Variants in WASHC2C observed in about 807,000 individuals in gnomAD.
WASHC2C encodes WASH complex subunit 2C.
WASHC2C carries 73 observed loss-of-function variants against 142.2 expected under a neutral mutation model. That is an observed-to-expected ratio of 0.51 (90% CI 0.43 to 0.62). WASHC2C has a LOEUF of 0.62. Among genes scored for constraint, WASHC2C ranks in the 20% least tolerant of loss-of-function variants. WASHC2C has a pLI of 0.00. For synonymous variants in WASHC2C, 337 were observed against 565.5 expected (o/e 0.60, Z 5.73); for missense variants, 969 against 1,531.7 (o/e 0.63, Z 6.13).
At chr10:45,761,248 G>C (rs1407539963) in intron 17 of WASHC2C, among the ~76,000 whole-genome samples, 1 of 152,104 alleles carries the variant, frequency 6.6e-6, no homozygotes, top group Non-Finnish European at 1.5e-5. Flanking sequence ...CATGTAGTCA[G>C]GGAAGCCGGT....
intron 3 of WASHC2C, among the ~76,000 whole-genome samples, chr10:45,731,554 G>T (rs576986778): frequency 6.8e-6 from 1 of 147,600 alleles, no homozygotes; most frequent in Non-Finnish European, 1.5e-5. Flanking sequence ...GAGCCACTGC[G>T]CTCGGCCCTT....
At chr10:45,766,272 G>C (rs1372366868) in intron 19 of WASHC2C, among the ~76,000 whole-genome samples, 1 of 152,422 alleles carries the variant, frequency 6.6e-6, no homozygotes, top group Admixed American at 6.5e-5. Flanking sequence ...TTTTGGGGGA[G>C]CACGATTAGA....
rs575197126 is a variant in WASHC2C, at chr10:45,738,619, C to T, written c.354+574C>T. ...ACTTGTAACAGATGAAGCTGTTAGA[C>T]TAGGAAAAGGGTATTCAAAACCAGC... On this transcript the variant is annotated intron_variant, in intron 4 of 30. Transcript: ENST00000623400. Among the ~76,000 whole-genome samples, 3 of 152,238 alleles carry T rather than the reference C, an allele frequency of 2.0e-5. No individual in the cohort carries two copies. The South Asian group carries it at 6.2e-4, about 32-fold the overall frequency.
intron 17 of WASHC2C, among the ~76,000 whole-genome samples, chr10:45,761,492 G>C (rs1165864687): frequency 6.6e-6 from 1 of 152,208 alleles, no homozygotes; most frequent in Admixed American, 6.5e-5. Flanking sequence ...CCCTACCAAA[G>C]GCTTTGCCCC....
At chr10:45,784,289 T>TATATATATATATATACACAC (rs1333007505) in intron 23 of WASHC2C, among the ~76,000 whole-genome samples, 1 of 17,720 alleles carries the variant, frequency 5.6e-5, no homozygotes, top group Non-Finnish European at 1.4e-4. Context: ...TATATATATA[T>TATATATATATATATACACAC]ACACATATAT....
chr10:45,768,690 G>A lies in WASHC2C; in HGVS notation c.1870-759G>A, dbSNP rs144672341. 2.9e-3 allele frequency among the ~76,000 whole-genome samples: 440 copies of A among 152,246 alleles called. 2 individuals are homozygous for A. Among genetic ancestry groups the A allele is most frequent in the African/African-American group, 9.7e-3 (401 of 41,542 alleles). Reference sequence around the variant, plus strand: ...AGGATTACTAGCAGTTTTTCATTGTGTCTTGTTCACATGTGTGTTGCGTGA... The same window carrying A: ...AGGATTACTAGCAGTTTTTCATTGTATCTTGTTCACATGTGTGTTGCGTGA... On this transcript the variant is annotated intron_variant, in intron 19 of 30. Transcript: ENST00000623400.
intron 25 of WASHC2C, 64 bp downstream of exon 25, chr10:45,784,965 T>C: frequency 6.2e-7 from 1 of 1,610,822 alleles, no homozygotes; most frequent in Non-Finnish European, 8.5e-7. Context: ...GAAACTAACG[T>C]CCAGTTAGAT....
At chr10:45,775,106 G>A (rs1444039143) in intron 21 of WASHC2C, among the ~76,000 whole-genome samples, 2 of 133,880 alleles carry the variant, frequency 1.5e-5, no homozygotes, top group South Asian at 2.5e-4. Context: ...TCATAGGCCC[G>A]GTTTCTATTA....
At chr10:45,779,843 G>A (rs542982974) in intron 23 of WASHC2C, among the ~76,000 whole-genome samples, 59 of 152,316 alleles carry the variant, frequency 3.9e-4, no homozygotes, top group Non-Finnish European at 7.2e-4. Flanking sequence ...GAAATAGCTT[G>A]GCGTGATGAC....
intron 20 of WASHC2C, among the ~76,000 whole-genome samples, chr10:45,770,111 C>G (rs1254934765): frequency 4.6e-5 from 7 of 151,456 alleles, no homozygotes; most frequent in Non-Finnish European, 1.0e-4. Context: ...TGTGGTGGCA[C>G]GCGCCTGTAG....
chr10:45,735,746 A>G (rs564661041), intron 3 of WASHC2C, among the ~76,000 whole-genome samples: 33 of 152,348 alleles, frequency 2.2e-4, no homozygotes, highest in African/African-American at 7.9e-4. Flanking sequence ...AGAGGATATG[A>G]TCATTTAAAA....
At chr10:45,786,017 C>G in intron 26 of WASHC2C, 1 of 275,278 alleles carries the variant, frequency 3.6e-6, no homozygotes, top group Non-Finnish European at 7.0e-6. Context: ...TGTTGCCTCT[C>G]CCGAGGTCAT....
chr10:45,740,732 T>C (rs1451577709), intron 5 of WASHC2C, among the ~76,000 whole-genome samples: 2 of 152,234 alleles, frequency 1.3e-5, no homozygotes, highest in African/African-American at 2.4e-5. Flanking sequence ...GGGCAATTAT[T>C]AAATACAAAT....
At chr10:45,789,708 G>A (rs1262781102) in intron 29 of WASHC2C, among the ~76,000 whole-genome samples, 1 of 152,002 alleles carries the variant, frequency 6.6e-6, no homozygotes, top group African/African-American at 2.4e-5. Flanking sequence ...GGCTGGCCAT[G>A]ATCATTGATA....
At chr10:45,729,109 C>T (rs1365988013) in intron 3 of WASHC2C, 83 bp downstream of exon 3, 2 of 1,389,514 alleles carry the variant, frequency 1.4e-6, no homozygotes, top group Non-Finnish European at 1.9e-6. Context: ...TAGGTTCCCT[C>T]CTAAATTTTG....
At chr10:45,786,563 G>T (rs782497071) in intron 26 of WASHC2C, 49 bp from the exon 27 acceptor site, 45 of 1,606,514 alleles carry the variant, frequency 2.8e-5, no homozygotes, top group Non-Finnish European at 3.6e-5. Context: ...AGAAACACTT[G>T]TCTTTCTGTT....
chr10:45,758,506 A>G (rs568942011), intron 16 of WASHC2C, among the ~76,000 whole-genome samples: 6 of 152,048 alleles, frequency 3.9e-5, no homozygotes, highest in African/African-American at 7.2e-5. Context: ...TTCTGAATAA[A>G]GTTCTTTCTC....
chr10:45,792,781 G>A lies in WASHC2C; in HGVS notation c.*381G>A. 2 of 496,458 alleles carry A rather than the reference G, an allele frequency of 4.0e-6. No homozygotes were observed. The highest frequency in any genetic ancestry group is 3.1e-5 in the South Asian group (2 of 64,668). The allele number at this position is 496,458 out of a possible 1,614,324, so 30.8% of individuals were successfully genotyped here. A position where few individuals can be genotyped will look rare whatever the true frequency, so the allele number is the denominator to read the frequency against. On this transcript the variant is annotated 3_prime_UTR_variant, in exon 31 of 31. Coordinates refer to ENST00000623400, the MANE Select transcript of WASHC2C (RefSeq NM_001330074.2). ...TTATATGGATGGGAACCCTAACTTAGGGCTTGGGCAGGGGAAAGAGAAAGA... is the reference window on the plus strand; with the variant it reads ...TTATATGGATGGGAACCCTAACTTAAGGCTTGGGCAGGGGAAAGAGAAAGA...
chr10:45,755,255 C>G, intron 15 of WASHC2C, 140 bp downstream of exon 15: 1 of 1,396,252 alleles, frequency 7.2e-7, no homozygotes, highest in Non-Finnish European at 9.7e-7. Context: ...GTTGTTGTGT[C>G]TGTACTTACA....
Sources: allele counts gnomAD v4.1 joint callset (sites outside exome capture counted in the v4.1 genomes callset), GRCh38; gene constraint gnomAD v4.1.1; transcripts MANE v1.5; gene names NCBI Gene and HGNC (gene_info 2026-07-23, HGNC 2026-07-21).